UGT8: variants seen among roughly 807,000 people sequenced by gnomAD.
UGT8 encodes 2-hydroxyacylsphingosine 1-beta-galactosyltransferase.
Under a neutral mutation model 40.5 loss-of-function variants are expected in UGT8, and 12 were observed. That is an observed-to-expected ratio of 0.30 (90% CI 0.19 to 0.48). The LOEUF (loss-of-function observed/expected upper bound fraction) is 0.48, where lower values mean the gene tolerates loss of function less well. Ranked by LOEUF, UGT8 falls within the 20% of genes least tolerant of loss-of-function variation. The pLI is 0.99. For synonymous variants in UGT8, 224 were observed against 240.4 expected, an observed-to-expected ratio of 0.93 and a Z score of 0.63; for missense variants, 513 against 648.7, an observed-to-expected ratio of 0.79 and a Z score of 2.27.
intron 2 of UGT8, among the ~76,000 whole-genome samples, chr4:114,655,172 C>G (rs1734105231): frequency 6.7e-6 from 1 of 149,982 alleles, no homozygotes; most frequent in Non-Finnish European, 1.5e-5. Context: ...CTAGATTTTT[C>G]CACAATAAAC....
At chr4:114,622,689 T>C in intron 1 of UGT8, 190 bp from the exon 2 acceptor site, 2 of 534,196 alleles carry the variant, frequency 3.7e-6, no homozygotes, top group Non-Finnish European at 6.5e-6. Flanking sequence ...TGATGGCCAG[T>C]GATGGTGAGC....
upstream of UGT8, chr4:114,598,655 C>T (rs1303244286): frequency 6.6e-6 from 1 of 152,122 alleles, no homozygotes; most frequent in Non-Finnish European, 1.5e-5. Context: ...TGCGGAAGGG[C>T]AGCGGCGCGC....
chr4:114,601,607 A>G (rs1271072513), intron 1 of UGT8, among the ~76,000 whole-genome samples: 1 of 152,146 alleles, frequency 6.6e-6, no homozygotes, highest in Non-Finnish European at 1.5e-5. Flanking sequence ...AAGAGCCATT[A>G]TAACCCACAA....
intron 1 of UGT8, among the ~76,000 whole-genome samples, chr4:114,613,178 A>G (rs1271132332): frequency 6.6e-6 from 1 of 152,158 alleles, no homozygotes; most frequent in East Asian, 1.9e-4. Context: ...ATTATGTGTC[A>G]CTTAAAATGA....
intron 2 of UGT8, among the ~76,000 whole-genome samples, chr4:114,638,510 A>G (rs186601765): frequency 4.6e-5 from 7 of 152,312 alleles, no homozygotes; most frequent in Admixed American, 2.6e-4. Flanking sequence ...TTTTAGGAGC[A>G]TTCATCTGTC....
intron 2 of UGT8, among the ~76,000 whole-genome samples, chr4:114,645,715 A>T (rs993915897): frequency 6.6e-6 from 1 of 152,196 alleles, no homozygotes; most frequent in Non-Finnish European, 1.5e-5. Flanking sequence ...TTAAGTTGAC[A>T]TGTCATCTGG....
chr4:114,646,375 ATATC>A (rs1454270951), intron 2 of UGT8, among the ~76,000 whole-genome samples: 1 of 151,790 alleles, frequency 6.6e-6, no homozygotes, highest in Non-Finnish European at 1.5e-5. Flanking sequence ...ACATATATCT[ATATC>A]TATATCTATA....
chr4:114,665,878 G>A (rs1310109953), intron 4 of UGT8, 122 bp downstream of exon 4: 1 of 596,248 alleles, frequency 1.7e-6, no homozygotes, highest in East Asian at 3.4e-5. Flanking sequence ...GTATATGGTA[G>A]AGTTATTATG....
intron 2 of UGT8, among the ~76,000 whole-genome samples, chr4:114,624,479 C>T (rs1732060201): frequency 6.6e-6 from 1 of 152,138 alleles, no homozygotes; most frequent in South Asian, 2.1e-4. Flanking sequence ...TCAATTTAAC[C>T]TCAACATCAG....
intron 2 of UGT8, among the ~76,000 whole-genome samples, chr4:114,629,221 C>G (rs1484247479): frequency 1.3e-5 from 2 of 152,012 alleles, no homozygotes; most frequent in Non-Finnish European, 2.9e-5. Context: ...TAGTACTATG[C>G]TATGTTGTTA....
intron 2 of UGT8, among the ~76,000 whole-genome samples, chr4:114,642,528 C>A (rs1164565167): frequency 6.6e-6 from 1 of 152,120 alleles, no homozygotes; most frequent in Non-Finnish European, 1.5e-5. Flanking sequence ...CAGGCTGTGA[C>A]TATTTTGCTT....
At chr4:114,648,641 A>C (rs993209095) in intron 2 of UGT8, among the ~76,000 whole-genome samples, 4 of 152,222 alleles carry the variant, frequency 2.6e-5, no homozygotes, top group Non-Finnish European at 4.4e-5. Context: ...GCAATAAAAC[A>C]AATTCTTTTA....
intron 1 of UGT8, among the ~76,000 whole-genome samples, chr4:114,612,963 C>T (rs921718644): frequency 6.6e-6 from 1 of 152,090 alleles, no homozygotes; most frequent in Non-Finnish European, 1.5e-5. Flanking sequence ...CCAAAGATAT[C>T]AATCTCATTA....
chr4:114,608,078 C>T (rs1410544093), intron 1 of UGT8, among the ~76,000 whole-genome samples: 1 of 152,160 alleles, frequency 6.6e-6, no homozygotes, highest in Non-Finnish European at 1.5e-5. Flanking sequence ...TTTATTTTCT[C>T]ATATTGCTCA....
chr4:114,629,012 T>C (rs1732416620), intron 2 of UGT8, among the ~76,000 whole-genome samples: 3 of 151,990 alleles, frequency 2.0e-5, no homozygotes, highest in Admixed American at 6.6e-5. Flanking sequence ...CTATTACATA[T>C]GGTGATTGAA....
At chr4:114,626,089 A>G (rs1732199334) in intron 2 of UGT8, among the ~76,000 whole-genome samples, 1 of 152,128 alleles carries the variant, frequency 6.6e-6, no homozygotes, top group East Asian at 1.9e-4. Flanking sequence ...GGCTGTTTTC[A>G]TTTCAGAATG....
At chr4:114,610,540 G>A (rs1435063107) in intron 1 of UGT8, among the ~76,000 whole-genome samples, 2 of 152,096 alleles carry the variant, frequency 1.3e-5, no homozygotes, top group African/African-American at 2.4e-5. Context: ...TGTTAGTAAA[G>A]GAACATCAAA....
In UGT8 at chr4:114,627,255, CTT is replaced by C. The variant is rs199675716; in HGVS notation, c.822+3571_822+3572del. Among the ~76,000 whole-genome samples the C allele has an allele frequency of 7.4e-3, 942 of 126,750 alleles. 6 individuals carry two copies. The highest frequency in any genetic ancestry group is 0.025 in the African/African-American group (843 of 33,600). 83.2% of individuals were successfully genotyped at this position (126,750 alleles called of 152,430 possible). ...AGACAGGTCCCTATTTGAATAGATTCTTTTTTTTTTTTTTTTTTTGAGATGGA... is the reference window on the plus strand; with the variant it reads ...AGACAGGTCCCTATTTGAATAGATTCTTTTTTTTTTTTTTTTTGAGATGGA... On this transcript the variant is annotated intron_variant, in intron 2 of 5. Transcript: ENST00000310836.
At chr4:114,629,362 C>T (rs1560681532) in intron 2 of UGT8, among the ~76,000 whole-genome samples, 2 of 152,134 alleles carry the variant, frequency 1.3e-5, no homozygotes, top group East Asian at 1.9e-4. Context: ...GGATGGCTCT[C>T]TTAACTAGAA....
Sources: allele counts gnomAD v4.1 joint callset (sites outside exome capture counted in the v4.1 genomes callset), GRCh38; gene constraint gnomAD v4.1.1; transcripts MANE v1.5; gene names NCBI Gene and HGNC (gene_info 2026-07-23, HGNC 2026-07-21).